Variants in PIK3AP1 observed in about 807,000 individuals in gnomAD.
PIK3AP1 encodes the protein phosphoinositide-3-kinase adaptor protein 1.
A neutral mutation model predicts 88.1 loss-of-function variants in PIK3AP1; 21 were observed. The ratio of observed to expected loss-of-function variants is 0.24; its 90% CI spans 0.17 to 0.34. The LOEUF (loss-of-function observed/expected upper bound fraction) is 0.34, where lower values mean the gene tolerates loss of function less well. PIK3AP1 is among the 10% of genes least tolerant of loss of function. The pLI is 1.00. For synonymous variants in PIK3AP1, 398 were observed against 400.0 expected (o/e 1.00, Z 0.06); for missense variants, 828 against 1,035.7 (o/e 0.80, Z 2.75).
chr10:96,683,818 G>A (rs1375374415), intron 2 of PIK3AP1, among the ~76,000 whole-genome samples: 1 of 152,170 alleles, frequency 6.6e-6, no homozygotes, highest in Non-Finnish European at 1.5e-5. Flanking sequence ...TTCATAGGAT[G>A]GCAGATGTTT....
intron 2 of PIK3AP1, among the ~76,000 whole-genome samples, chr10:96,697,775 CT>C (rs1286224792): frequency 5.9e-5 from 9 of 152,150 alleles, no homozygotes; most frequent in Admixed American, 5.2e-4. Context: ...AATTAAAACA[CT>C]GGAGAAATGT....
In PIK3AP1 at chr10:96,603,702, ACACACACAC is replaced by A. The variant is rs1848948287; in HGVS notation, c.2241+268_2241+276del. The A allele has an allele frequency of 5.7e-5, 14 of 244,100 alleles. 2 individuals carry two copies. Among genetic ancestry groups the A allele is most frequent in the African/African-American group, 1.8e-4 (7 of 39,476 alleles). 15.1% of individuals were successfully genotyped at this position (244,100 alleles called of 1,614,324 possible). Reference sequence around the variant, plus strand: ...CACACACACACACACACACACACACACACACACACCACATATATATATATGTTCTGTCCC... The same window carrying A: ...CACACACACACACACACACACACACACACATATATATATATGTTCTGTCCC... On this transcript the variant is annotated intron_variant, in intron 15 of 16. Coordinates refer to ENST00000339364, the MANE Select transcript of PIK3AP1 (RefSeq NM_152309.3).
At chr10:96,700,992 G>A in intron 2 of PIK3AP1, 1 of 690,524 alleles carries the variant, frequency 1.4e-6, no homozygotes, top group Non-Finnish European at 1.8e-6. Flanking sequence ...AGCTACCGCG[G>A]GCTCCTGTGA....
intron 6 of PIK3AP1, among the ~76,000 whole-genome samples, chr10:96,651,012 T>C (rs1232531044): frequency 6.6e-6 from 1 of 152,254 alleles, no homozygotes; most frequent in Non-Finnish European, 1.5e-5. Context: ...ATCACTCATT[T>C]CCTGCTCCTC....
intron 2 of PIK3AP1, among the ~76,000 whole-genome samples, chr10:96,689,260 G>A (rs1844118411): frequency 6.6e-6 from 1 of 151,906 alleles, no homozygotes; most frequent in African/African-American, 2.4e-5. Flanking sequence ...CCTTACCGAT[G>A]CCTCTTAAAA....
At chr10:96,658,644 C>T (rs553299793) in intron 2 of PIK3AP1, among the ~76,000 whole-genome samples, 2 of 152,302 alleles carry the variant, frequency 1.3e-5, no homozygotes, top group South Asian at 4.1e-4. Flanking sequence ...TGGCATCTGA[C>T]TGCTGAATGT....
At chr10:96,632,787 G>A (rs952338514) in intron 8 of PIK3AP1, 9 of 1,449,736 alleles carry the variant, frequency 6.2e-6, no homozygotes, top group Admixed American at 2.0e-5. Flanking sequence ...GCAATGCATA[G>A]GTTCCAATTG....
intron 2 of PIK3AP1, among the ~76,000 whole-genome samples, chr10:96,686,206 T>A (rs1380541112): frequency 1.3e-5 from 2 of 152,242 alleles, no homozygotes; most frequent in Non-Finnish European, 2.9e-5. Flanking sequence ...TTAATCACTC[T>A]GTTCCAAAGC....
At chr10:96,666,949 G>C (rs1272594940) in intron 2 of PIK3AP1, among the ~76,000 whole-genome samples, 1 of 151,976 alleles carries the variant, frequency 6.6e-6, no homozygotes, top group African/African-American at 2.4e-5. Flanking sequence ...TCCTATTCCT[G>C]GTCTGGGGTT....
intron 2 of PIK3AP1, among the ~76,000 whole-genome samples, chr10:96,698,489 AAAACT>A (rs763334280): frequency 2.6e-5 from 4 of 152,190 alleles, no homozygotes; most frequent in East Asian, 3.9e-4. Flanking sequence ...CATCTCTACT[AAAACT>A]AAACTAAACT....
intron 1 of PIK3AP1, among the ~76,000 whole-genome samples, chr10:96,718,741 A>C (rs1223295958): frequency 6.6e-6 from 1 of 152,002 alleles, no homozygotes; most frequent in Non-Finnish European, 1.5e-5. Flanking sequence ...CTTCCACCCA[A>C]AGGCCCTCCC....
At chr10:96,652,356 G>A (rs1247140166) in intron 4 of PIK3AP1, among the ~76,000 whole-genome samples, 1 of 152,128 alleles carries the variant, frequency 6.6e-6, no homozygotes, top group Non-Finnish European at 1.5e-5. Flanking sequence ...GGTGGATCAT[G>A]AGGTCAGGAG....
At chr10:96,628,581 C>T (rs954023956) in intron 8 of PIK3AP1, 88 bp from the exon 9 acceptor site, 1 of 1,077,142 alleles carries the variant, frequency 9.3e-7, no homozygotes. Flanking sequence ...GGTTTGGCAA[C>T]TCTCTTAAGA....
intron 7 of PIK3AP1, among the ~76,000 whole-genome samples, chr10:96,647,122 G>A (rs750682503): frequency 8.5e-5 from 13 of 152,200 alleles, no homozygotes; most frequent in Admixed American, 2.6e-4. Context: ...AAGCTGCATC[G>A]GTTGAAGGTG....
chr10:96,686,062 A>G (rs1376020983), intron 2 of PIK3AP1, among the ~76,000 whole-genome samples: 1 of 152,218 alleles, frequency 6.6e-6, no homozygotes, highest in African/African-American at 2.4e-5. Flanking sequence ...CCTGAGGCAA[A>G]TATGAAACTG....
At chr10:96,675,821 T>G (rs1173466716) in intron 2 of PIK3AP1, among the ~76,000 whole-genome samples, 1 of 152,142 alleles carries the variant, frequency 6.6e-6, no homozygotes, top group East Asian at 1.9e-4. Context: ...ACAATAATAA[T>G]AATTTATTAT....
chr10:96,655,950 G>T (rs1589519182), intron 3 of PIK3AP1, among the ~76,000 whole-genome samples: 1 of 152,172 alleles, frequency 6.6e-6, no homozygotes, highest in East Asian at 1.9e-4. Flanking sequence ...CTGGCCCAAA[G>T]AAACAGTTGG....
intron 15 of PIK3AP1, among the ~76,000 whole-genome samples, chr10:96,603,365 T>C (rs1184365565): frequency 1.3e-5 from 2 of 152,192 alleles, no homozygotes; most frequent in Non-Finnish European, 2.9e-5. Flanking sequence ...TGGGTGTGTC[T>C]GTGAGGGTGT....
chr10:96,657,900 C>T (rs188784941), intron 2 of PIK3AP1, among the ~76,000 whole-genome samples: 178 of 152,046 alleles, frequency 1.2e-3, no homozygotes, highest in African/African-American at 4.2e-3. Flanking sequence ...CCCGTCTCTA[C>T]TAAAAATACA....
Sources: allele counts gnomAD v4.1 joint callset (sites outside exome capture counted in the v4.1 genomes callset), GRCh38; gene constraint gnomAD v4.1.1; transcripts MANE v1.5; gene names NCBI Gene and HGNC (gene_info 2026-07-23, HGNC 2026-07-21).